Variants in DGKD observed in about 807,000 individuals in gnomAD.
DGKD encodes DAG kinase delta.
In DGKD, 68 loss-of-function variants were observed where a neutral mutation model predicts 154.4. That is an observed-to-expected ratio of 0.44 (90% CI 0.36 to 0.54). DGKD has a LOEUF of 0.54. Among genes scored for constraint, DGKD ranks in the 20% least tolerant of loss-of-function variants. The probability of loss-of-function intolerance (pLI) is 0.00; values close to 1 mark genes in which losing one functional copy is unlikely to be tolerated. For synonymous variants in DGKD, 693 were observed against 638.0 expected (o/e 1.09, Z -1.30); for missense variants, 1,343 against 1,593.6 (o/e 0.84, Z 2.68).
rs2064020547 is a variant in DGKD, at chr2:233,471,706, T to C, written c.*2246T>C. On this transcript the variant is annotated 3_prime_UTR_variant, in exon 30 of 30. Coordinates refer to ENST00000264057, the MANE Select transcript of DGKD (RefSeq NM_152879.3). The stretch of plus-strand genomic sequence containing the variant: ...AACAACACTGTTTACATAAAAACCA[T>C]TTTTCTAATTCTAACAAGTTAGAAT... 1 of 152,382 alleles carries C rather than the reference T, an allele frequency of 6.6e-6. No individual in the cohort carries two copies. The highest frequency in any genetic ancestry group is 2.4e-5 in the African/African-American group (1 of 41,460). 9.4% of individuals were successfully genotyped at this position (152,382 alleles called of 1,614,324 possible).
intron 1 of DGKD, chr2:233,379,891 A>G (rs1156497360): frequency 6.6e-6 from 1 of 152,218 alleles, no homozygotes; most frequent in African/African-American, 2.4e-5. Context: ...GAATAGAGCA[A>G]GGAGTTCAGT....
intron 1 of DGKD, among the ~76,000 whole-genome samples, chr2:233,355,080 C>T (rs1473838703): frequency 6.6e-6 from 1 of 152,090 alleles, no homozygotes; most frequent in Non-Finnish European, 1.5e-5. Context: ...TCCCCAAACC[C>T]CGGTTCTGCA....
At chr2:233,384,386 C>G (rs999076587) in intron 1 of DGKD, among the ~76,000 whole-genome samples, 1 of 152,174 alleles carries the variant, frequency 6.6e-6, no homozygotes, top group African/African-American at 2.4e-5. Context: ...TCCCTGGGTT[C>G]CCATTTCCCT....
intron 3 of DGKD, among the ~76,000 whole-genome samples, chr2:233,390,858 C>T (rs1344237523): frequency 1.3e-5 from 2 of 152,262 alleles, no homozygotes; most frequent in South Asian, 2.1e-4. Flanking sequence ...CTCAGCCTCC[C>T]GAGTAGCTGG....
At chr2:233,385,434 T>A (rs1703120914) in intron 1 of DGKD, among the ~76,000 whole-genome samples, 1 of 151,968 alleles carries the variant, frequency 6.6e-6, no homozygotes, top group African/African-American at 2.4e-5. Flanking sequence ...AGCTTAAGAG[T>A]TTTCTCGGTG....
In DGKD at chr2:233,441,778, G is replaced by A; in HGVS notation, c.1086-109G>A. The A allele has an allele frequency of 1.0e-6, 1 of 969,900 alleles. No individual in the cohort carries two copies. Among genetic ancestry groups the A allele is most frequent in the Non-Finnish European group, 1.6e-6 (1 of 634,044 alleles). 60.1% of individuals were successfully genotyped at this position (969,900 alleles called of 1,614,324 possible). On this transcript the variant is annotated intron_variant, in intron 9 of 29. Coordinates refer to ENST00000264057, the MANE Select transcript of DGKD (RefSeq NM_152879.3). This position sits in a 1 kb window ranked among gnomAD's most constrained non-coding sequence, Gnocchi z 5.6. ...GGCCTGTGCGTGCTCTGCCTCTGGT[G>A]CAGGTCAGCCATGAGGAGCACAGGT...
At chr2:233,369,638 C>G (rs561631878) in intron 1 of DGKD, among the ~76,000 whole-genome samples, 28 of 152,288 alleles carry the variant, frequency 1.8e-4, no homozygotes, top group Admixed American at 5.2e-4. Flanking sequence ...ATGGCGTTTG[C>G]CAGGCTGCGG....
Position 233,469,567 on chromosome 2 carries a change from A to G in DGKD, c.*107A>G, listed in dbSNP as rs2063943520. The G allele has an allele frequency of 1.1e-6, 1 of 946,678 alleles. No individual in the cohort carries two copies. Among genetic ancestry groups the G allele is most frequent in the African/African-American group, 1.6e-5 (1 of 61,452 alleles). The allele number at this position is 946,678 out of a possible 1,614,324, so 58.6% of individuals were successfully genotyped here. On this transcript the variant is annotated 3_prime_UTR_variant, in exon 30 of 30. Coordinates refer to ENST00000264057, the MANE Select transcript of DGKD (RefSeq NM_152879.3). ...CTCCTGCCACTGAGGCCCTGGGCAG[A>G]TGCTGCAGCCCGCCCCCTTCTCATG... is the stretch of plus-strand genomic sequence containing the variant.
chr2:233,364,483 G>A (rs1413553272), intron 1 of DGKD, among the ~76,000 whole-genome samples: 1 of 152,164 alleles, frequency 6.6e-6, no homozygotes, highest in Admixed American at 6.6e-5. Context: ...TGACAACAAT[G>A]TCCTGTAGGT....
Position 233,457,066 on chromosome 2 carries a change from C to G in DGKD, c.2472+71C>G. ...CAGCAGACTGCCAGGCCTATTGCTTCTCCTGTTGACCATTTCCTCCATGCA... is the reference window on the plus strand; with the variant it reads ...CAGCAGACTGCCAGGCCTATTGCTTGTCCTGTTGACCATTTCCTCCATGCA... On this transcript the variant is annotated intron_variant, in intron 20 of 29. Coordinates refer to ENST00000264057, the MANE Select transcript of DGKD (RefSeq NM_152879.3). The surrounding 1 kb of genome is among the most constrained non-coding windows in gnomAD (Gnocchi z 5.5). The G allele has an allele frequency of 1.4e-6, 2 of 1,397,146 alleles. No homozygotes were observed. The highest frequency in any genetic ancestry group is 3.4e-5 in the Admixed American group (2 of 59,462). The allele number at this position is 1,397,146 out of a possible 1,614,324, so 86.5% of individuals were successfully genotyped here.
At position 233,449,060 on chromosome 2, in the gene DGKD, TCTC is replaced by T. The variant is rs778747079; in HGVS notation, c.1615-40_1615-38del. On this transcript the variant is annotated intron_variant, in intron 14 of 29. Transcript: ENST00000264057. This position sits in a 1 kb window ranked among gnomAD's most constrained non-coding sequence, Gnocchi z 5.3. The stretch of plus-strand genomic sequence containing the variant: ...GAGGTTCCCTGCCTGCAGACCCTGT[TCTC>T]CTGCCTCAGCTCTGCATGCCATTTC... 1 of 1,545,506 alleles carries T rather than the reference TCTC, an allele frequency of 6.5e-7. No individual in the cohort carries two copies. Among genetic ancestry groups the T allele is most frequent in the East Asian group, 2.3e-5 (1 of 43,836 alleles).
chr2:233,454,636 C>T, intron 18 of DGKD, 127 bp from the exon 19 acceptor site: 1 of 617,366 alleles, frequency 1.6e-6, no homozygotes, highest in Non-Finnish European at 2.9e-6. Context: ...CTTAATAAAT[C>T]TCTTAGCAGA....
chr2:233,464,970 C>A (rs1258576615), intron 27 of DGKD, among the ~76,000 whole-genome samples: 1 of 152,244 alleles, frequency 6.6e-6, no homozygotes, highest in African/African-American at 2.4e-5. Context: ...CCTGGGCACC[C>A]CTGCCCAGTG....
intron 3 of DGKD, among the ~76,000 whole-genome samples, chr2:233,406,834 T>C (rs1283030216): frequency 6.6e-6 from 1 of 152,188 alleles, no homozygotes; most frequent in Non-Finnish European, 1.5e-5. Flanking sequence ...AGTTATGTGC[T>C]CATACCGTAT....
intron 27 of DGKD, 31 bp from the exon 28 acceptor site, chr2:233,467,055 G>C (rs2063844998): frequency 6.4e-7 from 1 of 1,558,704 alleles, no homozygotes; most frequent in Non-Finnish European, 8.9e-7. Flanking sequence ...GTTGCAGCCT[G>C]ATTCTCAGTA....
In DGKD at chr2:233,434,882, G is replaced by A. The variant is rs774933426; in HGVS notation, c.567G>A (p.Ser189=). 6.2e-6 allele frequency: 10 copies of A among 1,613,596 alleles called. No homozygotes were observed. In the Admixed American group the frequency reaches 6.7e-5, roughly 11 times the overall value. The part of the protein sequence containing the change: ...VCREALSGVT[S]HGLSCEVCKF... ...GTGAGGCTCTGTCTGGGGTCACGTCGCACGGGCTGTCCTGCGAGGGTACGG... is the reference window on the plus strand; with the variant it reads ...GTGAGGCTCTGTCTGGGGTCACGTCACACGGGCTGTCCTGCGAGGGTACGG... The change falls in exon 5 of 30, where the codon TCG becomes TCA. Residue 189 remains serine, a synonymous_variant. Coordinates refer to ENST00000264057, the MANE Select transcript of DGKD (RefSeq NM_152879.3).
Position 233,460,350 on chromosome 2 carries a change from GCTCCTACCCCTCTGC to G in DGKD, c.2981+6_2981+20del. ...AGCAGGGGTCCTCATTCACAGGTGG[GCTCCTACCCCTCTGC>G]GTTGCGCATGAGCCTCCCCCAGGGT... On this transcript the variant is annotated splice_donor_region_variant and intron_variant, in intron 24 of 29. Coordinates refer to ENST00000264057, the MANE Select transcript of DGKD (RefSeq NM_152879.3). 1 of 1,613,792 alleles carries G rather than the reference GCTCCTACCCCTCTGC, an allele frequency of 6.2e-7. No individual in the cohort carries two copies. Among genetic ancestry groups the G allele is most frequent in the Non-Finnish European group, 8.5e-7 (1 of 1,179,890 alleles).
chr2:233,380,976 A>G (rs570258400), intron 1 of DGKD, among the ~76,000 whole-genome samples: 17 of 152,252 alleles, frequency 1.1e-4, no homozygotes, highest in East Asian at 3.9e-4. Context: ...GGTAGTGGCA[A>G]TGGGGAAATT....
At chr2:233,387,757 G>A (rs567774732) in intron 1 of DGKD, among the ~76,000 whole-genome samples, 43 of 152,314 alleles carry the variant, frequency 2.8e-4, no homozygotes, top group African/African-American at 1.0e-3. Flanking sequence ...GTGGTGGGTT[G>A]GGCTGAGGGC....
Sources: allele counts gnomAD v4.1 joint callset (sites outside exome capture counted in the v4.1 genomes callset), GRCh38; gene constraint gnomAD v4.1.1; non-coding constraint Gnocchi (gnomAD v3.1); transcripts MANE v1.5; gene names NCBI Gene and HGNC (gene_info 2026-07-23, HGNC 2026-07-21).